Variants in ANK3 observed in about 807,000 individuals in gnomAD.
ANK3 encodes the protein ankyrin 3.
Under a neutral mutation model 370.9 loss-of-function variants are expected in ANK3, and 57 were observed. The ratio of observed to expected loss-of-function variants is 0.15; its 90% CI spans 0.12 to 0.19. ANK3 has a LOEUF of 0.19. ANK3 is among the 10% of genes least tolerant of loss of function. ANK3 has a pLI of 1.00. For synonymous variants in ANK3, 1,929 were observed against 1,946.3 expected, an observed-to-expected ratio of 0.99 and a Z score of 0.23; for missense variants, 4,439 against 5,302.1, an observed-to-expected ratio of 0.84 and a Z score of 5.06.
rs764500200 is a variant in ANK3 at position 60,198,382 on chromosome 10, C to T, written c.1647G>A (p.Ala549=). ...AAGACGCTCCATGATCCAAAAGGAA[C>T]GCGGCCACATCCTCATGCCCCTCTC... ...SAREGHEDVA[A]FLLDHGASLS... The change falls in exon 14 of 44, where the codon GCG becomes GCA. Residue 549 remains alanine, a synonymous_variant. Transcript: ENST00000280772. 1.1e-5 allele frequency: 18 copies of T among 1,614,200 alleles called. No individual in the cohort carries two copies. The highest frequency in any genetic ancestry group is 5.0e-5 in the Admixed American group (3 of 60,032).
chr10:60,106,856 A>C (rs1054819404), intron 27 of ANK3, among the ~76,000 whole-genome samples: 10 of 152,180 alleles, frequency 6.6e-5, no homozygotes, highest in African/African-American at 2.4e-4. Flanking sequence ...AATGGAAGTA[A>C]GCAGACCACA....
chr10:60,469,659 G>T (rs1329883765), intron 2 of ANK3, among the ~76,000 whole-genome samples: 1 of 3,830 alleles, frequency 2.6e-4, no homozygotes, highest in South Asian at 0.045. Context: ...ATATATGGTG[G>T]TATATATATA....
intron 8 of ANK3, among the ~76,000 whole-genome samples, chr10:60,224,194 A>G (rs1052277586): frequency 3.9e-5 from 6 of 152,174 alleles, no homozygotes; most frequent in Non-Finnish European, 7.3e-5. Context: ...GAGTTGCCAT[A>G]GTAACATTAC....
Position 60,332,036 on chromosome 10 carries a change from C to A in ANK3, c.115-52397G>T, listed in dbSNP as rs140465358. ...CAACTCATAACATCAGGAAATTTAT[C>A]CATATGGCTAACTCAATTTCTTTTT... On this transcript the variant is annotated intron_variant, in intron 1 of 43. Coordinates refer to ENST00000280772, the MANE Select transcript of ANK3 (RefSeq NM_020987.5). Among the ~76,000 whole-genome samples, 508 of 152,010 alleles carry A rather than the reference C, an allele frequency of 3.3e-3. 2 individuals carry two copies. Among genetic ancestry groups the A allele is most frequent in the South Asian group, 0.018 (88 of 4,818 alleles).
At chr10:60,155,580 C>T (rs1006218451) in intron 23 of ANK3, among the ~76,000 whole-genome samples, 4 of 152,120 alleles carry the variant, frequency 2.6e-5, no homozygotes, top group Non-Finnish European at 5.9e-5. Flanking sequence ...AATGTCAATT[C>T]GATTGGATTG....
intron 1 of ANK3, among the ~76,000 whole-genome samples, chr10:60,716,124 TATTGAGAATC>T (rs2079784006): frequency 6.6e-6 from 1 of 152,184 alleles, no homozygotes; most frequent in Non-Finnish European, 1.5e-5. Flanking sequence ...AAATAATTCC[TATTGAGAATC>T]ATTAATACTA....
At position 60,088,920 on chromosome 10, in the gene ANK3, G is replaced by A. The variant is rs182828991; in HGVS notation, c.3329-562C>T. The stretch of plus-strand genomic sequence containing the variant: ...CAAGAACTGACATTTTGCCACCTGT[G>A]GATAAATTCCCAGTTTTCAAGAACA... On this transcript the variant is annotated intron_variant, in intron 28 of 43. Coordinates refer to ENST00000280772, the MANE Select transcript of ANK3 (RefSeq NM_020987.5). Among the ~76,000 whole-genome samples the A allele has an allele frequency of 5.3e-3, 804 of 152,136 alleles. 8 individuals are homozygous for A. Among genetic ancestry groups the A allele is most frequent in the Middle Eastern group, 0.014 (4 of 294 alleles).
At chr10:60,245,319 T>C (rs2097537148) in intron 7 of ANK3, among the ~76,000 whole-genome samples, 1 of 150,912 alleles carries the variant, frequency 6.6e-6, no homozygotes, top group Non-Finnish European at 1.5e-5. Context: ...AAGTTTTCTC[T>C]AATGGTTTAT....
chr10:60,209,908 G>C (rs1255692026), intron 9 of ANK3, among the ~76,000 whole-genome samples: 2 of 152,072 alleles, frequency 1.3e-5, no homozygotes, highest in African/African-American at 4.8e-5. Flanking sequence ...TGTGTGGATG[G>C]GAAACTTAAA....
At chr10:60,185,359 A>G (rs1436842238) in intron 17 of ANK3, among the ~76,000 whole-genome samples, 1 of 152,198 alleles carries the variant, frequency 6.6e-6, no homozygotes, top group Non-Finnish European at 1.5e-5. Flanking sequence ...TTTCTTACTT[A>G]AAAGTGTTGA....
At chr10:60,567,410 C>T (rs968983606) in intron 2 of ANK3, among the ~76,000 whole-genome samples, 1 of 152,130 alleles carries the variant, frequency 6.6e-6, no homozygotes. Flanking sequence ...CATCTGTCTA[C>T]AGCATGGTTT....
In ANK3 at chr10:60,326,407, T is replaced by C. The variant is rs191483023; in HGVS notation, c.115-46768A>G. ...AGGGGGAAGTTCTGATGATTGCCTC[T>C]AACAATTTTCAGTGAGAGCCCGTAC... On this transcript the variant is annotated intron_variant, in intron 1 of 43. Transcript: ENST00000280772. 2.4e-3 allele frequency among the ~76,000 whole-genome samples: 362 copies of C among 152,334 alleles called. 2 individuals are homozygous for C. The Middle Eastern group carries it at 0.024, about 10-fold the overall frequency.
chr10:60,485,705 G>A (rs959943149), intron 2 of ANK3, among the ~76,000 whole-genome samples: 15 of 152,176 alleles, frequency 9.9e-5, no homozygotes, highest in South Asian at 4.1e-4. Context: ...GTGGCAGAGC[G>A]TGTGGCTTTC....
chr10:60,658,897 AAAAGG>A (rs2078901129), intron 1 of ANK3, among the ~76,000 whole-genome samples: 1 of 124,368 alleles, frequency 8.0e-6, no homozygotes, highest in African/African-American at 2.9e-5. Flanking sequence ...AAGAGAGAGA[AAAAGG>A]AAAGGAAAGA....
At chr10:60,347,700 T>C (rs552228800) in intron 1 of ANK3, among the ~76,000 whole-genome samples, 2 of 152,258 alleles carry the variant, frequency 1.3e-5, no homozygotes, top group East Asian at 3.9e-4. Flanking sequence ...CTTATATCAC[T>C]AGACCTATTC....
chr10:60,541,724 T>C (rs1167252253), intron 2 of ANK3, among the ~76,000 whole-genome samples: 5 of 151,920 alleles, frequency 3.3e-5, no homozygotes, highest in African/African-American at 9.7e-5. Flanking sequence ...GGCTAGAATA[T>C]GGTTTTGGCA....
At chr10:60,110,852 T>C (rs2092656196) in intron 26 of ANK3, among the ~76,000 whole-genome samples, 2 of 152,156 alleles carry the variant, frequency 1.3e-5, no homozygotes, top group Admixed American at 1.3e-4. Context: ...GATTCAGTTG[T>C]GTCAGTACAC....
At chr10:60,538,413 T>A (rs1193426807) in intron 2 of ANK3, among the ~76,000 whole-genome samples, 1 of 151,894 alleles carries the variant, frequency 6.6e-6, no homozygotes, top group Non-Finnish European at 1.5e-5. Flanking sequence ...TTTCCTTCCT[T>A]GGAAAAGCAA....
At chr10:60,700,062 T>C (rs966001099) in intron 1 of ANK3, among the ~76,000 whole-genome samples, 1 of 152,170 alleles carries the variant, frequency 6.6e-6, no homozygotes, top group Non-Finnish European at 1.5e-5. Context: ...TCACCTCTCT[T>C]TCCCATACCC....
Sources: allele counts gnomAD v4.1 joint callset (sites outside exome capture counted in the v4.1 genomes callset), GRCh38; gene constraint gnomAD v4.1.1; transcripts MANE v1.5; gene names NCBI Gene and HGNC (gene_info 2026-07-23, HGNC 2026-07-21).